Variants in WNT2B observed in about 807,000 individuals in gnomAD.
WNT2B encodes the protein protein Wnt-2b.
Under a neutral mutation model 40.5 loss-of-function variants are expected in WNT2B, and 19 were observed. The ratio of observed to expected loss-of-function variants is 0.47; its 90% CI spans 0.33 to 0.69. The LOEUF (loss-of-function observed/expected upper bound fraction) is 0.69, where lower values mean the gene tolerates loss of function less well. Ranked by LOEUF, WNT2B falls within the 30% of genes least tolerant of loss-of-function variation. The pLI, the probability that WNT2B is intolerant of heterozygous loss-of-function variation, is 0.02. For missense variants in WNT2B, 467 were observed against 556.4 expected, an observed-to-expected ratio of 0.84 and a Z score of 1.62; for synonymous variants, 220 against 211.9, an observed-to-expected ratio of 1.04 and a Z score of -0.33.
intron 1 of WNT2B, among the ~76,000 whole-genome samples, chr1:112,501,862 A>G (rs1285708269): frequency 6.6e-6 from 1 of 152,040 alleles, no homozygotes; most frequent in East Asian, 1.9e-4. Flanking sequence ...AGTAGGCCAC[A>G]CTCGCCTGCC....
rs1359872424 is a variant in WNT2B at position 112,522,194 on chromosome 1, CTAATT to C, written c.*1689_*1693del. On this transcript the variant is annotated 3_prime_UTR_variant, in exon 5 of 5. Coordinates refer to ENST00000369684, the MANE Select transcript of WNT2B (RefSeq NM_024494.3). The stretch of plus-strand genomic sequence containing the variant: ...TACAGGGCCATGCCATCATGCCCAG[CTAATT>C]TAAACATAGTTTTCAGAGATGGAGC... 1 of 152,108 alleles carries C rather than the reference CTAATT, an allele frequency of 6.6e-6. No individual in the cohort carries two copies. The highest frequency in any genetic ancestry group is 1.5e-5 in the Non-Finnish European group (1 of 68,038). The allele number at this position is 152,108 out of a possible 1,614,324, so 9.4% of individuals were successfully genotyped here. A position where few individuals can be genotyped will look rare whatever the true frequency, so the allele number is the denominator to read the frequency against.
intron 1 of WNT2B, among the ~76,000 whole-genome samples, chr1:112,499,673 A>G (rs1651887243): frequency 6.6e-6 from 1 of 152,242 alleles, no homozygotes; most frequent in Admixed American, 6.5e-5. Flanking sequence ...CAAAAACCCT[A>G]TAGCTAACAT....
intron 1 of WNT2B, among the ~76,000 whole-genome samples, chr1:112,478,364 A>C (rs1029070690): frequency 1.3e-5 from 2 of 152,192 alleles, no homozygotes; most frequent in Admixed American, 6.5e-5. Flanking sequence ...ATGATACCAA[A>C]TAGCCCCCAA....
At chr1:112,492,185 G>A (rs1651623041) in intron 1 of WNT2B, among the ~76,000 whole-genome samples, 1 of 152,156 alleles carries the variant, frequency 6.6e-6, no homozygotes, top group Admixed American at 6.5e-5. Context: ...TTTCCCATCT[G>A]GCATGTAAAA....
In WNT2B at chr1:112,527,972, G is replaced by A. The variant is rs552582692; in HGVS notation, c.*7463G>A. 6 of 152,328 alleles carry A rather than the reference G, an allele frequency of 3.9e-5. No individual in the cohort carries two copies. In the East Asian group the frequency reaches 1.2e-3, roughly 29 times the overall value. The allele number at this position is 152,328 out of a possible 1,614,324, so 9.4% of individuals were successfully genotyped here. ...TGTGTGTAATAAGTAGACACAAGAG[G>A]CTGGAGGAAGATGATCATTCCTAGA... On this transcript the variant is annotated 3_prime_UTR_variant, in exon 5 of 5. Coordinates refer to ENST00000369684, the MANE Select transcript of WNT2B (RefSeq NM_024494.3).
Position 112,523,302 on chromosome 1 carries a change from A to C in WNT2B, c.*2793A>C, listed in dbSNP as rs1652982740. 1 of 143,576 alleles carries C rather than the reference A, an allele frequency of 7.0e-6. No homozygotes were observed. The highest frequency in any genetic ancestry group is 1.5e-5 in the Non-Finnish European group (1 of 67,978). 8.9% of individuals were successfully genotyped at this position (143,576 alleles called of 1,614,324 possible). A position where few individuals can be genotyped will look rare whatever the true frequency, so the allele number is the denominator to read the frequency against. Reference sequence around the variant, plus strand: ...TTGCAATTTCCTATAAATGGTTAAGAAAAGAGCAAGCTGTCCAGAGAGTGA... The same window carrying C: ...TTGCAATTTCCTATAAATGGTTAAGCAAAGAGCAAGCTGTCCAGAGAGTGA... On this transcript the variant is annotated 3_prime_UTR_variant, in exon 5 of 5. Coordinates refer to ENST00000369684, the MANE Select transcript of WNT2B (RefSeq NM_024494.3).
chr1:112,474,643 C>T (rs563932524), intron 1 of WNT2B, among the ~76,000 whole-genome samples: 72 of 152,242 alleles, frequency 4.7e-4, no homozygotes, highest in African/African-American at 1.6e-3. Flanking sequence ...AAAACAATGG[C>T]GATAGTCACT....
rs980295296 is a variant in WNT2B at position 112,516,231 on chromosome 1, G to A, written c.495G>A (p.Val165=). 1.9e-6 allele frequency: 3 copies of A among 1,614,096 alleles called. No individual in the cohort carries two copies. The highest frequency in any genetic ancestry group is 2.5e-6 in the Non-Finnish European group (3 of 1,180,030). ...CCTGTAGCCAGGGTGAACTGAGTGT[G>A]TGCAGCTGTGACCCCTACACCCGTG... ...TRACSQGELS[V]CSCDPYTRGR... Residue 165 remains valine, a synonymous_variant, in exon 3 of 5, where the codon GTG becomes GTA. Transcript: ENST00000369684.
intron 1 of WNT2B, among the ~76,000 whole-genome samples, chr1:112,473,576 C>T (rs964587709): frequency 6.6e-6 from 1 of 151,626 alleles, no homozygotes; most frequent in Non-Finnish European, 1.5e-5. Flanking sequence ...TTTTAATGAA[C>T]AAAGCATCAG....
rs961497977 is a variant in WNT2B at position 112,525,320 on chromosome 1, C to G, written c.*4811C>G. On this transcript the variant is annotated 3_prime_UTR_variant, in exon 5 of 5. Transcript: ENST00000369684. ...GGTGGCTTTATTAGGGTAAATATAT[C>G]ACAGTTGCTACAGTGAATTGAGCTT... 1 of 152,170 alleles carries G rather than the reference C, an allele frequency of 6.6e-6. No individual in the cohort carries two copies. Among genetic ancestry groups the G allele is most frequent in the African/African-American group, 2.4e-5 (1 of 41,422 alleles). 9.4% of individuals were successfully genotyped at this position (152,170 alleles called of 1,614,324 possible).
Position 112,512,367 on chromosome 1 carries a change from T to C in WNT2B, c.183-2507T>C, listed in dbSNP as rs377584419. Among the ~76,000 whole-genome samples, 8 of 152,380 alleles carry C rather than the reference T, an allele frequency of 5.3e-5. No individual in the cohort carries two copies. The East Asian group carries it at 1.5e-3, about 29-fold the overall frequency. On this transcript the variant is annotated intron_variant, in intron 1 of 4. Coordinates refer to ENST00000369684, the MANE Select transcript of WNT2B (RefSeq NM_024494.3). ...TTTGTGGAGTGGTGCATCCAAACCA[T>C]GTGAGGATCATGGTGAAATGCAGAT...
Position 112,528,340 on chromosome 1 carries a change from C to G in WNT2B, c.*7831C>G, listed in dbSNP as rs1653795387. The G allele has an allele frequency of 6.6e-6, 1 of 152,134 alleles. No individual in the cohort carries two copies. Among genetic ancestry groups the G allele is most frequent in the African/African-American group, 2.4e-5 (1 of 41,438 alleles). 9.4% of individuals were successfully genotyped at this position (152,134 alleles called of 1,614,324 possible). ...TACAGAGAAATTAGAATGCTGAGATCAGGGCTTAAATAATGTGAGGTGACT... is the reference window on the plus strand; with the variant it reads ...TACAGAGAAATTAGAATGCTGAGATGAGGGCTTAAATAATGTGAGGTGACT... On this transcript the variant is annotated 3_prime_UTR_variant, in exon 5 of 5. Transcript: ENST00000369684.
At chr1:112,483,338 C>A (rs921699689) in intron 1 of WNT2B, among the ~76,000 whole-genome samples, 4 of 152,104 alleles carry the variant, frequency 2.6e-5, no homozygotes, top group African/African-American at 9.7e-5. Context: ...CATCTATAGT[C>A]AACTGATCTT....
chr1:112,480,539 A>G (rs1651194675), intron 1 of WNT2B, among the ~76,000 whole-genome samples: 1 of 152,146 alleles, frequency 6.6e-6, no homozygotes, highest in Non-Finnish European at 1.5e-5. Context: ...AGCAAAAAAT[A>G]GAAAGCCTGA....
At chr1:112,481,105 G>T (rs1325447124) in intron 1 of WNT2B, among the ~76,000 whole-genome samples, 1 of 151,560 alleles carries the variant, frequency 6.6e-6, no homozygotes, top group Admixed American at 6.6e-5. Context: ...GGAGGCAAAG[G>T]TTGCAGTGAG....
Position 112,515,217 on chromosome 1 carries a change from C to T in WNT2B, c.403+123C>T. ...CACTGTTTCATCATCAGAGAAAGAA[C>T]TGTGGGCAGAGCCCAGGATATAATT... On this transcript the variant is annotated intron_variant, in intron 2 of 4. Transcript: ENST00000369684. This position sits in a 1 kb window ranked among gnomAD's most constrained non-coding sequence, Gnocchi z 4.4. 1 of 1,183,076 alleles carries T rather than the reference C, an allele frequency of 8.5e-7. No individual in the cohort carries two copies. Among genetic ancestry groups the T allele is most frequent in the South Asian group, 1.4e-5 (1 of 69,704 alleles). The allele number at this position is 1,183,076 out of a possible 1,614,324, so 73.3% of individuals were successfully genotyped here. A position where few individuals can be genotyped will look rare whatever the true frequency, so the allele number is the denominator to read the frequency against.
At chr1:112,482,322 A>AAAT (rs543523666) in intron 1 of WNT2B, among the ~76,000 whole-genome samples, 205 of 152,148 alleles carry the variant, frequency 1.3e-3, no homozygotes, top group Non-Finnish European at 5.0e-4. Context: ...CTGTGTCAAA[A>AAAT]AATAATAATA....
chr1:112,508,614 A>T (rs1652204479), upstream of WNT2B: 5 of 648,824 alleles, frequency 7.7e-6, no homozygotes, highest in Non-Finnish European at 9.6e-6. The surrounding 1 kb of genome is among the most constrained non-coding windows in gnomAD (Gnocchi z 4.2). Context: ...GGTTGGGGAC[A>T]GGAGGGAAGT....
chr1:112,526,178 T>C lies in WNT2B; in HGVS notation c.*5669T>C, dbSNP rs761572915. 151 of 1,605,678 alleles carry C rather than the reference T, an allele frequency of 9.4e-5. No homozygotes were observed. Among genetic ancestry groups the C allele is most frequent in the Admixed American group, 2.9e-4 (17 of 59,542 alleles). On this transcript the variant is annotated 3_prime_UTR_variant, in exon 5 of 5. Transcript: ENST00000369684. ...GAGTCCCAGGACAGCCAAGAGAGTA[T>C]ATCTGAGCACAGTTTACAAAGGAAC...
Sources: allele counts gnomAD v4.1 joint callset (sites outside exome capture counted in the v4.1 genomes callset), GRCh38; gene constraint gnomAD v4.1.1; non-coding constraint Gnocchi (gnomAD v3.1); transcripts MANE v1.5; gene names NCBI Gene and HGNC (gene_info 2026-07-23, HGNC 2026-07-21).